ZC3H7A: variants seen among roughly 807,000 people sequenced by gnomAD.
ZC3H7A encodes zinc finger CCCH-type containing 7A, also known as zinc finger CCCH domain-containing protein 7A.
A neutral mutation model predicts 125.5 loss-of-function variants in ZC3H7A; 44 were observed. The observed-to-expected ratio is 0.35, with a 90% CI of 0.28 to 0.45. The LOEUF (loss-of-function observed/expected upper bound fraction) is 0.45. Among genes scored for constraint, ZC3H7A ranks in the 20% least tolerant of loss-of-function variants. ZC3H7A has a pLI of 1.00. For synonymous variants in ZC3H7A, 399 were observed against 391.2 expected (o/e 1.02, Z -0.23); for missense variants, 977 against 1,170.7 (o/e 0.83, Z 2.41).
At chr16:11,792,817 G>C (rs893561321) in intron 1 of ZC3H7A, among the ~76,000 whole-genome samples, 1 of 152,204 alleles carries the variant, frequency 6.6e-6, no homozygotes, top group East Asian at 1.9e-4. Context: ...AAAGACGCCT[G>C]GAGGGGAGTG....
At position 11,768,520 on chromosome 16, in the gene ZC3H7A, G is replaced by A. The variant is rs200615007; in HGVS notation, c.1174-19C>T. ...CATTCATCTGCAAGAAAAATAAGAA[G>A]AAAAAAAAAAAAAACAGCCAACAAA... On this transcript the variant is annotated intron_variant, in intron 11 of 22. Transcript: ENST00000355758. 6.2e-3 allele frequency: 7,102 copies of A among 1,147,362 alleles called. 1 individual carries two copies. Among genetic ancestry groups the A allele is most frequent in the South Asian group, 0.028 (912 of 32,914 alleles). 71.1% of individuals were successfully genotyped at this position (1,147,362 alleles called of 1,614,324 possible). A position where few individuals can be genotyped will look rare whatever the true frequency, so the allele number is the denominator to read the frequency against.
chr16:11,777,490 G>A (rs995717610), intron 4 of ZC3H7A, among the ~76,000 whole-genome samples: 1 of 152,224 alleles, frequency 6.6e-6, no homozygotes, highest in Admixed American at 6.5e-5. Flanking sequence ...GGAGGCCGAG[G>A]TGGGTGGATC....
intron 15 of ZC3H7A, 195 bp downstream of exon 15, chr16:11,764,858 C>G (rs981706396): frequency 2.3e-6 from 1 of 441,822 alleles, no homozygotes; most frequent in African/African-American, 2.1e-5. Flanking sequence ...TTCTGTTTTA[C>G]ATAATATATT....
chr16:11,758,056 A>G (rs558835991), intron 20 of ZC3H7A, among the ~76,000 whole-genome samples: 37 of 152,280 alleles, frequency 2.4e-4, no homozygotes, highest in African/African-American at 6.5e-4. Context: ...GAAACTGCCA[A>G]TTCTAACCTG....
At position 11,792,531 on chromosome 16, in the gene ZC3H7A, A is replaced by T. The variant is rs142039039; in HGVS notation, c.-35+4593T>A. Among the ~76,000 whole-genome samples the T allele has an allele frequency of 1.6e-4, 24 of 152,360 alleles. No homozygotes were observed. The East Asian group carries it at 4.4e-3, about 28-fold the overall frequency. On this transcript the variant is annotated intron_variant, in intron 1 of 22. Coordinates refer to ENST00000355758, the MANE Select transcript of ZC3H7A (RefSeq NM_014153.4). ...AAACTAGCTCACATTAACAGAAGAC[A>T]TCAAGGTAAGGGAAATGTGACTGCA...
intron 1 of ZC3H7A, among the ~76,000 whole-genome samples, chr16:11,792,396 T>A (rs1567398136): frequency 6.6e-6 from 1 of 152,224 alleles, no homozygotes; most frequent in East Asian, 1.9e-4. Context: ...CCTTACTATT[T>A]ACTCAGTGCC....
At position 11,761,523 on chromosome 16, in the gene ZC3H7A, G is replaced by A. The variant is rs1567375610; in HGVS notation, c.2214-12C>T. ...GGTCTTTGGTCCACCTAAGAAAAAT[G>A]GAGTTCAGAAAAAAACAAAGACACA... is the stretch of plus-strand genomic sequence containing the variant. On this transcript the variant is annotated splice_polypyrimidine_tract_variant and intron_variant, in intron 18 of 22. Coordinates refer to ENST00000355758, the MANE Select transcript of ZC3H7A (RefSeq NM_014153.4). 6.2e-7 allele frequency: 1 copy of A among 1,613,288 alleles called. No homozygotes were observed. Among genetic ancestry groups the A allele is most frequent in the African/African-American group, 1.3e-5 (1 of 74,986 alleles).
In ZC3H7A at chr16:11,765,996, G is replaced by A. The variant is rs2052850468; in HGVS notation, c.1523-311C>T. ...AATGATATGCATATTATCTGGGGAT[G>A]GATCGTATCAACTCTAAAAAAGAGA... On this transcript the variant is annotated intron_variant, in intron 13 of 22. Coordinates refer to ENST00000355758, the MANE Select transcript of ZC3H7A (RefSeq NM_014153.4). The surrounding 1 kb of genome is among the most constrained non-coding windows in gnomAD (Gnocchi z 4.8). Among the ~76,000 whole-genome samples, 1 of 152,014 alleles carries A rather than the reference G, an allele frequency of 6.6e-6. No individual in the cohort carries two copies. The highest frequency in any genetic ancestry group is 2.1e-4 in the South Asian group (1 of 4,830).
chr16:11,769,111 A>G lies in ZC3H7A; in HGVS notation c.1109-16T>C. On this transcript the variant is annotated splice_polypyrimidine_tract_variant and intron_variant, in intron 10 of 22. Coordinates refer to ENST00000355758, the MANE Select transcript of ZC3H7A (RefSeq NM_014153.4). ...GTGGACAGATCTAAAATAATAAAAA[A>G]ACTTCAACAGACCTTTTCATTCTGA... is the stretch of plus-strand genomic sequence containing the variant. 1 of 1,600,208 alleles carries G rather than the reference A, an allele frequency of 6.2e-7. No homozygotes were observed. Among genetic ancestry groups the G allele is most frequent in the Non-Finnish European group, 8.5e-7 (1 of 1,174,796 alleles).
intron 20 of ZC3H7A, 92 bp from the exon 21 acceptor site, chr16:11,756,462 G>A (rs2052650966): frequency 2.0e-6 from 3 of 1,500,986 alleles, no homozygotes; most frequent in African/African-American, 1.4e-5. Context: ...TCAGCATACA[G>A]TTCAAAAGAA....
At chr16:11,768,998 C>G (rs370323590) in intron 11 of ZC3H7A, 33 bp downstream of exon 11, 2 of 1,566,242 alleles carry the variant, frequency 1.3e-6, no homozygotes, top group African/African-American at 1.4e-5. Context: ...TCAATTCAAG[C>G]GATGTATTTA....
intron 1 of ZC3H7A, among the ~76,000 whole-genome samples, chr16:11,794,789 A>C (rs2141226398): frequency 6.6e-6 from 1 of 152,244 alleles, no homozygotes; most frequent in South Asian, 2.1e-4. Flanking sequence ...ACCCACCCCA[A>C]CTGGCAGGTT....
At chr16:11,788,311 C>G (rs1280720063) in intron 1 of ZC3H7A, among the ~76,000 whole-genome samples, 1 of 152,110 alleles carries the variant, frequency 6.6e-6, no homozygotes, top group Non-Finnish European at 1.5e-5. Context: ...TCTCCCCGAG[C>G]CATACTCTCC....
intron 11 of ZC3H7A, 84 bp from the exon 12 acceptor site, chr16:11,768,585 A>C (rs1352485086): frequency 8.2e-7 from 1 of 1,216,354 alleles, no homozygotes; most frequent in Non-Finnish European, 1.1e-6. Flanking sequence ...AATTCATCTG[A>C]AAAATAAGAT....
At chr16:11,760,648 T>A (rs2052738176) in intron 19 of ZC3H7A, among the ~76,000 whole-genome samples, 1 of 152,190 alleles carries the variant, frequency 6.6e-6, no homozygotes, top group South Asian at 2.1e-4. Flanking sequence ...ATTTCCTCCA[T>A]CCAGGTAGAG....
At chr16:11,769,553 C>CA (rs1322387989) in intron 10 of ZC3H7A, among the ~76,000 whole-genome samples, 5 of 149,998 alleles carry the variant, frequency 3.3e-5, no homozygotes, top group Non-Finnish European at 5.9e-5. Context: ...ACTGAAAATA[C>CA]AAAAAAAATT....
chr16:11,760,676 T>A (rs1035925548), intron 19 of ZC3H7A, among the ~76,000 whole-genome samples: 1 of 152,232 alleles, frequency 6.6e-6, no homozygotes, highest in African/African-American at 2.4e-5. Flanking sequence ...TACCTGTAGA[T>A]GCTCCAAGTG....
At chr16:11,785,539 T>C (rs1240587748) in intron 1 of ZC3H7A, among the ~76,000 whole-genome samples, 1 of 150,706 alleles carries the variant, frequency 6.6e-6, no homozygotes. Flanking sequence ...ACTAACCCAG[T>C]GTCTATCAAA....
chr16:11,786,834 T>G (rs1281220927), intron 1 of ZC3H7A, among the ~76,000 whole-genome samples: 1 of 152,218 alleles, frequency 6.6e-6, no homozygotes, highest in Non-Finnish European at 1.5e-5. Context: ...AGATCACATC[T>G]GCCCATCTTT....
Sources: gnomAD v4.1 joint callset for allele counts (sites outside exome capture counted in the v4.1 genomes callset) on GRCh38, gnomAD v4.1.1 for gene constraint, Gnocchi (gnomAD v3.1) non-coding constraint, MANE v1.5 for transcripts, NCBI Gene and HGNC (gene_info 2026-07-23, HGNC 2026-07-21) for gene names.